Variants in MDN1 observed in about 807,000 individuals in gnomAD.
MDN1 encodes the protein midasin AAA ATPase 1.
A neutral mutation model predicts 669.2 loss-of-function variants in MDN1; 266 were observed. That is an observed-to-expected ratio of 0.40 (90% CI 0.36 to 0.44). MDN1 has a LOEUF of 0.44. Among genes scored for constraint, MDN1 ranks in the 20% least tolerant of loss-of-function variants. MDN1 has a pLI of 1.00. For synonymous variants in MDN1, 2,385 were observed against 2,457.1 expected (o/e 0.97, Z 0.87); for missense variants, 5,940 against 6,754.0 (o/e 0.88, Z 4.22).
Position 89,758,942 on chromosome 6 carries a change from C to CATT in MDN1, c.2478_2479insAAT (p.Ala826_Val827insAsn). The CATT allele has an allele frequency of 6.2e-7, 1 of 1,613,738 alleles. No individual in the cohort carries two copies. Among genetic ancestry groups the CATT allele is most frequent in the Non-Finnish European group, 8.5e-7 (1 of 1,179,660 alleles). ...AACAAGATCCACTCTCCTTTCTTTA[C>CATT]AGCCTGAGCTAATGTACCCTAGAAA... is the stretch of plus-strand genomic sequence containing the variant. On this transcript the variant is annotated inframe_insertion, in exon 18 of 102. Coordinates refer to ENST00000369393, the MANE Select transcript of MDN1 (RefSeq NM_014611.3).
At chr6:89,716,344 A>C (rs1032907845) in intron 44 of MDN1, among the ~76,000 whole-genome samples, 16 of 152,230 alleles carry the variant, frequency 1.1e-4, no homozygotes, top group African/African-American at 3.9e-4. Context: ...AAACCCTAAC[A>C]AAAGGAAGAC....
intron 17 of MDN1, among the ~76,000 whole-genome samples, chr6:89,760,887 G>A (rs1387670452): frequency 6.6e-6 from 1 of 152,176 alleles, no homozygotes; most frequent in African/African-American, 2.4e-5. Context: ...TTGGCCAGGC[G>A]CGGTGGCTCA....
Position 89,658,225 on chromosome 6 carries a change from T to G in MDN1, c.15167A>C (p.Lys5056Thr). The part of the protein sequence containing the change: ...AMELAGAAPE[K>T]EQGKEEHGSG... ...ACTGATCACCTCTTTCCCCTGCTCC[T>G]TCTCAGGTGCGGCCCCAGCCAGCTC... Residue 5056 changes from lysine to threonine, a missense_variant, in exon 90 of 102, where the codon AAG (lysine) becomes ACG (threonine). Lys to Thr is a moderately conservative substitution (Grantham distance 78). Transcript: ENST00000369393. The G allele has an allele frequency of 1.2e-6, 2 of 1,614,204 alleles. No individual in the cohort carries two copies. Among genetic ancestry groups the G allele is most frequent in the Non-Finnish European group, 1.7e-6 (2 of 1,180,044 alleles).
chr6:89,772,224 AGCTGTGG>A (rs530089303), intron 14 of MDN1, among the ~76,000 whole-genome samples: 2 of 152,194 alleles, frequency 1.3e-5, no homozygotes, highest in Non-Finnish European at 2.9e-5. Context: ...GTGAGCTGTG[AGCTGTGG>A]GCTCGCCACT....
intron 29 of MDN1, among the ~76,000 whole-genome samples, chr6:89,744,224 A>G (rs1441054667): frequency 6.6e-6 from 1 of 152,118 alleles, no homozygotes; most frequent in Non-Finnish European, 1.5e-5. Flanking sequence ...ACACGTATAG[A>G]ATGAATCTCA....
chr6:89,665,097 T>C (rs372444278), intron 84 of MDN1, among the ~76,000 whole-genome samples: 8 of 152,230 alleles, frequency 5.3e-5, no homozygotes, highest in Admixed American at 3.3e-4. Flanking sequence ...GGCACAATCA[T>C]GGCTTACTGC....
At chr6:89,754,258 T>C (rs776251318) in intron 20 of MDN1, 28 bp from the exon 21 acceptor site, 88 of 1,602,844 alleles carry the variant, frequency 5.5e-5, no homozygotes, top group Middle Eastern at 1.7e-4. Context: ...GTCAGGCAAT[T>C]TTATTTACTA....
At position 89,725,072 on chromosome 6, in the gene MDN1, G is replaced by C. The variant is rs1202581755; in HGVS notation, c.5670+127C>G. 3 of 835,644 alleles carry C rather than the reference G, an allele frequency of 3.6e-6. No homozygotes were observed. In the African/African-American group the frequency reaches 5.1e-5, roughly 14 times the overall value. The allele number at this position is 835,644 out of a possible 1,614,324, so 51.8% of individuals were successfully genotyped here. A position where few individuals can be genotyped will look rare whatever the true frequency, so the allele number is the denominator to read the frequency against. On this transcript the variant is annotated intron_variant, in intron 38 of 101. Coordinates refer to ENST00000369393, the MANE Select transcript of MDN1 (RefSeq NM_014611.3). ...GTCACATTAATATTGATCATATAAG[G>C]ACAAGAAAGAGGATCATTAAGCTGA...
chr6:89,649,222 C>A (rs922390582), intron 97 of MDN1, among the ~76,000 whole-genome samples: 1 of 152,178 alleles, frequency 6.6e-6, no homozygotes, highest in African/African-American at 2.4e-5. Context: ...TGTTCTACAT[C>A]TATTATTTCA....
At chr6:89,764,206 A>G (rs944992979) in intron 15 of MDN1, among the ~76,000 whole-genome samples, 18 of 152,310 alleles carry the variant, frequency 1.2e-4, no homozygotes, top group Admixed American at 1.2e-3. Context: ...ACAGAGCAAG[A>G]ACTCATCCCT....
intron 33 of MDN1, among the ~76,000 whole-genome samples, chr6:89,734,174 A>G (rs901985506): frequency 3.9e-5 from 6 of 151,948 alleles, no homozygotes; most frequent in Admixed American, 6.5e-5. Flanking sequence ...AATCTCAGCT[A>G]CTTGGGTGGC....
intron 15 of MDN1, among the ~76,000 whole-genome samples, chr6:89,769,604 T>A (rs2128322271): frequency 6.6e-6 from 1 of 152,320 alleles, no homozygotes; most frequent in Admixed American, 6.5e-5. Flanking sequence ...TCAAGTGATC[T>A]TTTCAAATGG....
Position 89,664,467 on chromosome 6 carries a change from A to G in MDN1, c.14236+20T>C, listed in dbSNP as rs375464364. ...TTTATGCTTTCAAAAACAAGAATGA[A>G]GTGACAGATAATCTGAAACCTTGTT... On this transcript the variant is annotated intron_variant, in intron 85 of 101. Coordinates refer to ENST00000369393, the MANE Select transcript of MDN1 (RefSeq NM_014611.3). The G allele has an allele frequency of 7.4e-6, 12 of 1,611,288 alleles. No individual in the cohort carries two copies. The highest frequency in any genetic ancestry group is 1.0e-5 in the Non-Finnish European group (12 of 1,179,274).
At chr6:89,646,426 G>T in intron 100 of MDN1, 114 bp downstream of exon 100, 1 of 838,028 alleles carries the variant, frequency 1.2e-6, no homozygotes, top group East Asian at 2.5e-5. Context: ...GTCTTTTCCT[G>T]TGGAGCATAC....
intron 21 of MDN1, among the ~76,000 whole-genome samples, chr6:89,753,868 T>C (rs1233823535): frequency 2.6e-5 from 4 of 152,058 alleles, no homozygotes; most frequent in Non-Finnish European, 5.9e-5. Context: ...GGGAACACAG[T>C]GACACCCTGT....
At position 89,790,285 on chromosome 6, in the gene MDN1, A is replaced by G; in HGVS notation, c.972T>C (p.Ala324=). ...ATCCTATTGGTCCTTCCAACAACAC[A>G]GCATTCTGAGAAGCAACCGCCATAG... ...TLAMAVASQN[A]VLLEGPIGCG... is the part of the protein sequence containing the mutation. The change falls in exon 6 of 102, where the codon GCT becomes GCC. Residue 324 remains alanine (A), a synonymous_variant. Coordinates refer to ENST00000369393, the MANE Select transcript of MDN1 (RefSeq NM_014611.3). The G allele has an allele frequency of 6.2e-7, 1 of 1,614,168 alleles. No individual in the cohort carries two copies. Among genetic ancestry groups the G allele is most frequent in the South Asian group, 1.1e-5 (1 of 91,086 alleles).
chr6:89,688,190 T>G lies in MDN1; in HGVS notation c.11260-17A>C. 1.9e-6 allele frequency: 3 copies of G among 1,607,632 alleles called. No individual in the cohort carries two copies. Among genetic ancestry groups the G allele is most frequent in the Non-Finnish European group, 1.7e-6 (2 of 1,174,162 alleles). ...AACCAGGAGCTGCAGAAATAAAGAT[T>G]TGGGTATCTCAGTAGGAATACCAGT... On this transcript the variant is annotated splice_polypyrimidine_tract_variant and intron_variant, in intron 66 of 101. Transcript: ENST00000369393.
chr6:89,707,514 G>A (rs760032124), intron 51 of MDN1, 38 bp from the exon 52 acceptor site: 15 of 1,259,092 alleles, frequency 1.2e-5, no homozygotes, highest in South Asian at 4.8e-5. Context: ...AATAGCTATC[G>A]GTTAATAACA....
chr6:89,700,438 T>C (rs1813075001), intron 56 of MDN1, 144 bp from the exon 57 acceptor site: 1 of 776,502 alleles, frequency 1.3e-6, no homozygotes, highest in Non-Finnish European at 2.0e-6. Context: ...GATTCTCATC[T>C]GTGAAATGAT....
Sources: gnomAD v4.1 joint callset for allele counts (sites outside exome capture counted in the v4.1 genomes callset) on GRCh38, gnomAD v4.1.1 for gene constraint, MANE v1.5 for transcripts, NCBI Gene and HGNC (gene_info 2026-07-23, HGNC 2026-07-21) for gene names.